Variants in PRKN observed in about 807,000 individuals in gnomAD.
The protein encoded by PRKN is parkin RBR E3 ubiquitin protein ligase.
A neutral mutation model predicts 59.5 loss-of-function variants in PRKN; 56 were observed. The ratio of observed to expected loss-of-function variants is 0.94; its 90% CI spans 0.76 to 1.18. The LOEUF is 1.18. PRKN is among the 50% of genes most tolerant of loss of function. The pLI is 0.00. For synonymous variants in PRKN, 250 were observed against 222.1 expected, an observed-to-expected ratio of 1.13 and a Z score of -1.12; for missense variants, 657 against 596.4, an observed-to-expected ratio of 1.10 and a Z score of -1.06.
chr6:161,971,111 G>A (rs1484288219), intron 6 of PRKN, among the ~76,000 whole-genome samples: 2 of 151,978 alleles, frequency 1.3e-5, no homozygotes, highest in South Asian at 2.1e-4. Flanking sequence ...GGATATAGTC[G>A]CTTCTATTTA....
At chr6:162,293,363 G>T (rs1239355866) in intron 2 of PRKN, among the ~76,000 whole-genome samples, 1 of 152,174 alleles carries the variant, frequency 6.6e-6, no homozygotes, top group African/African-American at 2.4e-5. Flanking sequence ...AAGAATGAGG[G>T]TTAAAATGTA....
chr6:162,053,237 A>G (rs1178898539), intron 5 of PRKN, among the ~76,000 whole-genome samples: 1 of 152,126 alleles, frequency 6.6e-6, no homozygotes, highest in African/African-American at 2.4e-5. Flanking sequence ...TCCTCTCATG[A>G]TTCTCGCTCA....
intron 5 of PRKN, among the ~76,000 whole-genome samples, chr6:161,974,093 C>T (rs946688253): frequency 6.6e-6 from 1 of 152,188 alleles, no homozygotes; most frequent in African/African-American, 2.4e-5. Flanking sequence ...GTGGCGAAAC[C>T]CCATCTCTAC....
At chr6:162,613,814 G>A (rs1025700544) in intron 1 of PRKN, among the ~76,000 whole-genome samples, 1 of 152,046 alleles carries the variant, frequency 6.6e-6, no homozygotes, top group African/African-American at 2.4e-5. Flanking sequence ...AGAAATAGGA[G>A]TAACAAAAAT....
rs1789592187 is a variant in PRKN, at chr6:161,448,497, A to G, written c.1084-61620T>C. On this transcript the variant is annotated intron_variant, in intron 9 of 11. Coordinates refer to ENST00000366898, the MANE Select transcript of PRKN (RefSeq NM_004562.3). The surrounding 1 kb of genome is among the most constrained non-coding windows in gnomAD (Gnocchi z 5.1). ...GGGGGCATTTTTGCTTCAAATTTGT[A>G]AAAAGCAAAGGTTACAGACATAAAG... Among the ~76,000 whole-genome samples, 1 of 152,214 alleles carries G rather than the reference A, an allele frequency of 6.6e-6. No homozygotes were observed. The highest frequency in any genetic ancestry group is 6.5e-5 in the Admixed American group (1 of 15,276).
rs1048777568 is a variant in PRKN at position 161,354,916 on chromosome 6, C to T, written c.1286-4705G>A. Reference sequence around the variant, plus strand: ...ACAGGGAGAAACTTTCCTACAGTCACGAACCATTTGACTCCTACAACTCCA... The same window carrying T: ...ACAGGGAGAAACTTTCCTACAGTCATGAACCATTTGACTCCTACAACTCCA... On this transcript the variant is annotated intron_variant, in intron 11 of 11. Transcript: ENST00000366898. This position sits in a 1 kb window ranked among gnomAD's most constrained non-coding sequence, Gnocchi z 6.7. Among the ~76,000 whole-genome samples, 2 of 152,194 alleles carry T rather than the reference C, an allele frequency of 1.3e-5. No individual in the cohort carries two copies. The highest frequency in any genetic ancestry group is 1.5e-5 in the Non-Finnish European group (1 of 68,038).
rs142613447 is a variant in PRKN, at chr6:162,165,763, G to T, written c.534+35368C>A. On this transcript the variant is annotated intron_variant, in intron 4 of 11. Transcript: ENST00000366898. ...ACTGCAGGACATTTACTCAAGAGAA[G>T]TGAGGCCGAGTGTGGTGGCTCATGC... Among the ~76,000 whole-genome samples the T allele has an allele frequency of 5.2e-4, 67 of 129,958 alleles. 1 individual carries two copies. The East Asian group carries it at 0.01, about 20-fold the overall frequency. The allele number at this position is 129,958 out of a possible 152,430, so 85.3% of individuals were successfully genotyped here. A position where few individuals can be genotyped will look rare whatever the true frequency, so the allele number is the denominator to read the frequency against.
chr6:161,684,306 G>T (rs1274807190), intron 7 of PRKN, among the ~76,000 whole-genome samples: 1 of 151,862 alleles, frequency 6.6e-6, no homozygotes, highest in African/African-American at 2.4e-5. Flanking sequence ...ATGTTGCCCA[G>T]GCTGGTCTCA....
intron 7 of PRKN, among the ~76,000 whole-genome samples, chr6:161,650,323 G>T (rs191079637): frequency 1.3e-5 from 2 of 152,160 alleles, no homozygotes; most frequent in Non-Finnish European, 2.9e-5. Context: ...GCTTTGTTAC[G>T]ATAAGGAATT....
chr6:162,597,061 T>C (rs1298379946), intron 1 of PRKN, among the ~76,000 whole-genome samples: 2 of 152,260 alleles, frequency 1.3e-5, no homozygotes, highest in Non-Finnish European at 2.9e-5. Flanking sequence ...GAACTAGTTC[T>C]AGTAACTAAA....
At chr6:162,201,305 A>G in intron 3 of PRKN, 53 bp from the exon 4 acceptor site, 1 of 1,592,520 alleles carries the variant, frequency 6.3e-7, no homozygotes, top group Non-Finnish European at 8.6e-7. Flanking sequence ...CTAAATTGAG[A>G]CAAGAAACTC....
At chr6:161,430,612 A>G (rs371054308) in intron 9 of PRKN, among the ~76,000 whole-genome samples, 19 of 151,252 alleles carry the variant, frequency 1.3e-4, no homozygotes, top group Admixed American at 1.1e-3. Flanking sequence ...TCAGGAGATC[A>G]AGACCATCCT....
At chr6:162,305,040 A>G (rs1004728143) in intron 2 of PRKN, among the ~76,000 whole-genome samples, 8 of 152,214 alleles carry the variant, frequency 5.3e-5, no homozygotes, top group African/African-American at 1.9e-4. Context: ...AAAGCCAACT[A>G]GAGATACCTA....
intron 7 of PRKN, among the ~76,000 whole-genome samples, chr6:161,629,498 T>C (rs1169559065): frequency 2.0e-5 from 3 of 152,022 alleles, no homozygotes; most frequent in African/African-American, 7.2e-5. Flanking sequence ...GGCATCCACA[T>C]TTAGCCCTTC....
intron 6 of PRKN, among the ~76,000 whole-genome samples, chr6:161,820,375 G>A (rs1791970594): frequency 6.6e-6 from 1 of 151,390 alleles, no homozygotes; most frequent in Non-Finnish European, 1.5e-5. Context: ...AATCTCTCCT[G>A]TGACAATAAA....
rs1180636201 is a variant in PRKN at position 162,390,396 on chromosome 6, T to TATATATATATATATATACACAC, written c.171+52913_171+52914insGTGTGTATATATATATATATAT. Among the ~76,000 whole-genome samples, 356 of 83,986 alleles carry TATATATATATATATATACACAC rather than the reference T, an allele frequency of 4.2e-3. 2 individuals are homozygous for TATATATATATATATATACACAC. Among genetic ancestry groups the TATATATATATATATATACACAC allele is most frequent in the African/African-American group, 0.011 (233 of 22,034 alleles). 55.1% of individuals were successfully genotyped at this position (83,986 alleles called of 152,430 possible). ...TAAGGTATATATATATATATATATA[T>TATATATATATATATATACACAC]ACACACACACACACACACACACACA... On this transcript the variant is annotated intron_variant, in intron 2 of 11. Transcript: ENST00000366898.
At chr6:162,206,851 A>G (rs1784965564) in intron 3 of PRKN, among the ~76,000 whole-genome samples, 1 of 152,222 alleles carries the variant, frequency 6.6e-6, no homozygotes, top group Admixed American at 6.5e-5. Context: ...GGACACAACC[A>G]GTATGTACCA....
intron 7 of PRKN, among the ~76,000 whole-genome samples, chr6:161,689,340 A>G (rs1785689521): frequency 6.6e-6 from 1 of 152,060 alleles, no homozygotes; most frequent in Non-Finnish European, 1.5e-5. Flanking sequence ...ACCTCGTTCT[A>G]TTGCTAACAC....
chr6:162,701,967 T>A (rs1778173453), intron 1 of PRKN, among the ~76,000 whole-genome samples: 1 of 152,068 alleles, frequency 6.6e-6, no homozygotes, highest in Admixed American at 6.6e-5. Flanking sequence ...TGTTTCCCTG[T>A]ATCTTCTATT....
Sources: allele counts gnomAD v4.1 joint callset (sites outside exome capture counted in the v4.1 genomes callset), GRCh38; gene constraint gnomAD v4.1.1; non-coding constraint Gnocchi (gnomAD v3.1); transcripts MANE v1.5; gene names NCBI Gene and HGNC (gene_info 2026-07-23, HGNC 2026-07-21).